HPGDS: variants seen among roughly 807,000 people sequenced by gnomAD.
The protein encoded by HPGDS is hematopoietic prostaglandin D synthase.
HPGDS carries 26 observed loss-of-function variants against 23.1 expected under a neutral mutation model. That is an observed-to-expected ratio of 1.13 (90% confidence interval 0.83 to 1.56). The LOEUF is 1.56. HPGDS is among the 40% of genes most tolerant of loss of function. HPGDS has a pLI of 0.00. For missense variants in HPGDS, 268 were observed against 236.4 expected (o/e 1.13, Z -0.88); for synonymous variants, 95 against 77.9 (o/e 1.22, Z -1.16).
At chr4:94,319,297 A>G (rs1756457642) in intron 2 of HPGDS, among the ~76,000 whole-genome samples, 1 of 151,936 alleles carries the variant, frequency 6.6e-6, no homozygotes, top group African/African-American at 2.4e-5. Flanking sequence ...TACATTTTTT[A>G]CTTAAAGTCT....
intron 4 of HPGDS, among the ~76,000 whole-genome samples, chr4:94,307,470 A>G (rs762213149): frequency 5.3e-5 from 8 of 152,096 alleles, no homozygotes; most frequent in Non-Finnish European, 8.8e-5. Flanking sequence ...CCTTCATTTT[A>G]ACTTTTGGAA....
chr4:94,308,654 C>G lies in HPGDS; in HGVS notation c.316G>C (p.Glu106Gln), dbSNP rs1282359032. The change falls in exon 4 of 6, where the codon GAG (glutamate) becomes CAG (glutamine). Residue 106 changes from glutamate to glutamine, a missense_variant. Glu to Gln is a conservative substitution (Grantham distance 29). Transcript: ENST00000295256. ...DDFMSCFPWA[E>Q]KKQDVKEQMF... ...ATTACTTTCACATCTTGCTTTTTCT[C>G]TGCCCAAGGAAAACATGACATGAAA... The G allele has an allele frequency of 6.3e-7, 1 of 1,596,512 alleles. No homozygotes were observed. The highest frequency in any genetic ancestry group is 1.7e-5 in the Admixed American group (1 of 59,528).
Position 94,324,226 on chromosome 4 carries a change from C to T in HPGDS, c.134-6261G>A, listed in dbSNP as rs184232991. The stretch of plus-strand genomic sequence containing the variant: ...TTCATTTCAACCTTGGTGAATCTGA[C>T]GATTACATGTCTTGGAGTTGTTCTT... On this transcript the variant is annotated intron_variant, in intron 2 of 5. Coordinates refer to ENST00000295256, the MANE Select transcript of HPGDS (RefSeq NM_014485.3). 1.1e-4 allele frequency among the ~76,000 whole-genome samples: 17 copies of T among 152,208 alleles called. No homozygotes were observed. The South Asian group carries it at 2.1e-3, about 19-fold the overall frequency.
chr4:94,332,000 T>C (rs1241661148), intron 2 of HPGDS, among the ~76,000 whole-genome samples: 1 of 152,112 alleles, frequency 6.6e-6, no homozygotes. Context: ...ATAATGCTTT[T>C]TTACCAATTG....
At position 94,302,209 on chromosome 4, in the gene HPGDS, C is replaced by A. The variant is rs755305072; in HGVS notation, c.372G>T (p.Ala124=). ...QMFNELLTYN[A]PHLMQDLDTY... Reference sequence around the variant, plus strand: ...TGTCCAAGTCTTGCATAAGATGAGGCGCATTATACGTGAGCAGCTCATTGA... The same window carrying A: ...TGTCCAAGTCTTGCATAAGATGAGGAGCATTATACGTGAGCAGCTCATTGA... Residue 124 remains alanine, a synonymous_variant, in exon 5 of 6, where the codon GCG becomes GCT. Transcript: ENST00000295256. The A allele has an allele frequency of 5.0e-6, 8 of 1,612,286 alleles. No individual in the cohort carries two copies. Among genetic ancestry groups the A allele is most frequent in the African/African-American group, 1.3e-5 (1 of 74,784 alleles).
rs75247403 is a variant in HPGDS at position 94,302,373 on chromosome 4, T to C, written c.337-129A>G. On this transcript the variant is annotated intron_variant, in intron 4 of 5. Transcript: ENST00000295256. ...AGAAGAAAGAGAAGTAGCTAGATTTTTTATTCAAATTTATGACATGGAGAT... is the reference window on the plus strand; with the variant it reads ...AGAAGAAAGAGAAGTAGCTAGATTTCTTATTCAAATTTATGACATGGAGAT... 38 of 618,800 alleles carry C rather than the reference T, an allele frequency of 6.1e-5. No individual in the cohort carries two copies. In the East Asian group the frequency reaches 1.0e-3, roughly 17 times the overall value. 38.3% of individuals were successfully genotyped at this position (618,800 alleles called of 1,614,324 possible). A position where few individuals can be genotyped will look rare whatever the true frequency, so the allele number is the denominator to read the frequency against.
intron 1 of HPGDS, among the ~76,000 whole-genome samples, chr4:94,338,147 G>C (rs1035764136): frequency 6.6e-6 from 1 of 152,168 alleles, no homozygotes; most frequent in Non-Finnish European, 1.5e-5. Flanking sequence ...AATCAGGCCG[G>C]GTGCAGTGGC....
chr4:94,306,702 T>C (rs1756144891), intron 4 of HPGDS, among the ~76,000 whole-genome samples: 1 of 152,108 alleles, frequency 6.6e-6, no homozygotes, highest in Non-Finnish European at 1.5e-5. Context: ...AGAATTTTTA[T>C]AAATTTAGAA....
intron 2 of HPGDS, among the ~76,000 whole-genome samples, chr4:94,323,964 A>G (rs1756575234): frequency 6.6e-6 from 1 of 152,186 alleles, no homozygotes; most frequent in Non-Finnish European, 1.5e-5. Flanking sequence ...GGTATTGACA[A>G]AATCTCTCAG....
At chr4:94,329,817 AAT>A (rs1004727037) in intron 2 of HPGDS, among the ~76,000 whole-genome samples, 5 of 152,330 alleles carry the variant, frequency 3.3e-5, no homozygotes, top group African/African-American at 1.2e-4. Flanking sequence ...TTCCAGAAAA[AAT>A]AATAATCCCA....
chr4:94,312,887 G>A (rs12512385), intron 3 of HPGDS, among the ~76,000 whole-genome samples: 52,660 of 151,442 alleles, frequency 0.35, 10,031 homozygotes, highest in East Asian at 0.69. Flanking sequence ...TTACCATTAT[G>A]TAATGGCCTT....
At chr4:94,341,704 G>C (rs1354177049) in intron 1 of HPGDS, among the ~76,000 whole-genome samples, 1 of 152,142 alleles carries the variant, frequency 6.6e-6, no homozygotes, top group East Asian at 1.9e-4. Flanking sequence ...TAAAAACAAA[G>C]ATTACTTGTG....
At chr4:94,333,958 A>G (rs1756779084) in intron 2 of HPGDS, among the ~76,000 whole-genome samples, 1 of 152,248 alleles carries the variant, frequency 6.6e-6, no homozygotes, top group Admixed American at 6.5e-5. Context: ...ATCTCACCAG[A>G]GAAGAGGTCT....
intron 2 of HPGDS, among the ~76,000 whole-genome samples, chr4:94,322,317 G>T (rs1166067826): frequency 1.3e-5 from 2 of 152,110 alleles, no homozygotes; most frequent in Non-Finnish European, 2.9e-5. Flanking sequence ...CTATTGATTG[G>T]AATAGTTTCA....
At chr4:94,302,701 C>T (rs890696847) in intron 4 of HPGDS, among the ~76,000 whole-genome samples, 7 of 151,980 alleles carry the variant, frequency 4.6e-5, no homozygotes, top group African/African-American at 7.2e-5. Flanking sequence ...TTCACTATTG[C>T]GTTTATAATG....
intron 4 of HPGDS, among the ~76,000 whole-genome samples, chr4:94,307,100 A>T (rs1756153632): frequency 1.3e-5 from 2 of 152,128 alleles, no homozygotes; most frequent in Admixed American, 1.3e-4. Flanking sequence ...ACTTCTCAAC[A>T]GCCTTTCAAA....
At chr4:94,324,132 GT>G (rs1188147671) in intron 2 of HPGDS, among the ~76,000 whole-genome samples, 1 of 152,214 alleles carries the variant, frequency 6.6e-6, no homozygotes, top group East Asian at 1.9e-4. Context: ...GAGATCAGCT[GT>G]TAGTCTGATG....
At chr4:94,332,874 G>C (rs1179423138) in intron 2 of HPGDS, among the ~76,000 whole-genome samples, 1 of 152,166 alleles carries the variant, frequency 6.6e-6, no homozygotes, top group Non-Finnish European at 1.5e-5. Flanking sequence ...GCTTTGGCCT[G>C]CTTTTTAGCT....
At chr4:94,308,052 G>A (rs11940271) in intron 4 of HPGDS, among the ~76,000 whole-genome samples, 3,728 of 152,182 alleles carry the variant, frequency 0.024, 103 homozygotes, top group African/African-American at 0.074. Context: ...ATTTTGGAAT[G>A]TTTGCATATA....
Sources: gnomAD v4.1 joint callset for allele counts (sites outside exome capture counted in the v4.1 genomes callset) on GRCh38, gnomAD v4.1.1 for gene constraint, MANE v1.5 for transcripts, NCBI Gene and HGNC (gene_info 2026-07-23, HGNC 2026-07-21) for gene names.